The following MED17 variants were observed in gnomAD, a reference collection of about 807,000 sequenced individuals.
MED17 encodes the protein mediator of RNA polymerase II transcription subunit 17.
A neutral mutation model predicts 80.8 loss-of-function variants in MED17; 49 were observed. The observed-to-expected ratio is 0.61, with a 90% CI of 0.48 to 0.77. The LOEUF (loss-of-function observed/expected upper bound fraction) is 0.77, where lower values mean the gene tolerates loss of function less well. Ranked by LOEUF, MED17 falls within the 30% of genes least tolerant of loss-of-function variation. The pLI, the probability that MED17 is intolerant of heterozygous loss-of-function variation, is 0.00. For synonymous variants in MED17, 281 were observed against 280.4 expected, an observed-to-expected ratio of 1.00 and a Z score of -0.02; for missense variants, 718 against 787.0, an observed-to-expected ratio of 0.91 and a Z score of 1.05.
chr11:93,812,428 C>T lies in MED17; in HGVS notation c.*364C>T. The stretch of plus-strand genomic sequence containing the variant: ...AAATCTCCAAATACCTTTTTTTCCC[C>T]CCAAATACTTTCTAAACTTTTTTTT... On this transcript the variant is annotated 3_prime_UTR_variant, in exon 12 of 12. Coordinates refer to ENST00000251871, the MANE Select transcript of MED17 (RefSeq NM_004268.5). 2.1e-6 allele frequency: 1 copy of T among 470,752 alleles called. No homozygotes were observed. Among genetic ancestry groups the T allele is most frequent in the Non-Finnish European group, 3.7e-6 (1 of 271,884 alleles). 29.2% of individuals were successfully genotyped at this position (470,752 alleles called of 1,614,324 possible).
At chr11:93,793,674 G>A in intron 3 of MED17, 54 bp from the exon 4 acceptor site, 1 of 1,275,966 alleles carries the variant, frequency 7.8e-7, no homozygotes, top group South Asian at 1.2e-5. Context: ...AATAATGTGT[G>A]TCGGAATAAT....
chr11:93,799,404 G>A (rs1272239881), intron 8 of MED17, among the ~76,000 whole-genome samples: 3 of 152,166 alleles, frequency 2.0e-5, no homozygotes, highest in African/African-American at 7.2e-5. Context: ...CCGAACTCCT[G>A]ACCTCAAGTG....
At chr11:93,806,613 C>T in intron 9 of MED17, 1 of 152,168 alleles carries the variant, frequency 6.6e-6, no homozygotes, top group Non-Finnish European at 1.5e-5. Flanking sequence ...AAAGAGTTAA[C>T]AAAACCGCTT....
intron 9 of MED17, chr11:93,806,007 G>A (rs921605199): frequency 1.6e-5 from 2 of 127,866 alleles, no homozygotes; most frequent in Non-Finnish European, 3.3e-5. Context: ...TTTTGAGATG[G>A]AGTTTTGCTC....
chr11:93,788,277 G>A, intron 2 of MED17, 110 bp downstream of exon 2: 2 of 917,614 alleles, frequency 2.2e-6, no homozygotes, highest in East Asian at 5.3e-5. Flanking sequence ...ATTAAGTCCA[G>A]ATGAAGATTT....
At position 93,795,427 on chromosome 11, in the gene MED17, T is replaced by A; in HGVS notation, c.1012+367T>A. 4 of 282,576 alleles carry A rather than the reference T, an allele frequency of 1.4e-5. No individual in the cohort carries two copies. In the South Asian group the frequency reaches 1.5e-4, roughly 11 times the overall value. 17.5% of individuals were successfully genotyped at this position (282,576 alleles called of 1,614,324 possible). ...TAAATGAGAGGCCAATTTAAAAATG[T>A]TTACTCTTAACGCCTGTCATCCCAG... On this transcript the variant is annotated intron_variant, in intron 6 of 11. Coordinates refer to ENST00000251871, the MANE Select transcript of MED17 (RefSeq NM_004268.5).
intron 7 of MED17, chr11:93,797,117 G>T: frequency 4.7e-6 from 1 of 212,948 alleles, no homozygotes; most frequent in Non-Finnish European, 9.5e-6. Flanking sequence ...TATAGTGAAA[G>T]AACTATTTAC....
At chr11:93,796,205 C>G (rs1943899282) in intron 6 of MED17, 2 of 523,772 alleles carry the variant, frequency 3.8e-6, no homozygotes, top group Admixed American at 2.9e-5. Context: ...CCCACCTTGG[C>G]CTCCCAACAT....
chr11:93,802,660 T>C (rs909935231), intron 9 of MED17, among the ~76,000 whole-genome samples: 1 of 152,188 alleles, frequency 6.6e-6, no homozygotes, highest in East Asian at 1.9e-4. Context: ...TAGGGCCATT[T>C]GTATTCTAGC....
intron 3 of MED17, among the ~76,000 whole-genome samples, chr11:93,791,660 T>C (rs61904953): frequency 0.12 from 18,074 of 151,916 alleles, 1,101 homozygotes; most frequent in Middle Eastern, 0.17. Flanking sequence ...GAGCCGAGAT[T>C]GCACCACTGC....
chr11:93,784,739 A>G lies in MED17; in HGVS notation c.226A>G (p.Ser76Gly). The G allele has an allele frequency of 6.5e-7, 1 of 1,542,362 alleles. No homozygotes were observed. Among genetic ancestry groups the G allele is most frequent in the Non-Finnish European group, 8.7e-7 (1 of 1,148,226 alleles). The change falls in exon 1 of 12, where the codon AGC becomes GGC. Residue 76 changes from serine (S) to glycine (G), a missense_variant. Coordinates refer to ENST00000251871, the MANE Select transcript of MED17 (RefSeq NM_004268.5). ...GCAGGAGTGGCCGGGCGCCGGGTCC[A>G]GCGCAGACCAGGACGACGAGGAAGG... ...DAQEWPGAGS[S>G]ADQDDEEGVV...
At chr11:93,802,020 T>A (rs1943968652) in intron 9 of MED17, 48 bp downstream of exon 9, 1 of 1,540,486 alleles carries the variant, frequency 6.5e-7, no homozygotes, top group African/African-American at 1.4e-5. Flanking sequence ...TAATTTGCTA[T>A]TGATGTTTGC....
chr11:93,797,441 T>C (rs1199961203), intron 7 of MED17, 94 bp from the exon 8 acceptor site: 1 of 1,242,338 alleles, frequency 8.0e-7, no homozygotes, highest in South Asian at 1.2e-5. Context: ...TTCAAATCCA[T>C]TCCTTTCAGT....
At chr11:93,792,677 C>A (rs1055058474) in intron 3 of MED17, among the ~76,000 whole-genome samples, 20 of 152,124 alleles carry the variant, frequency 1.3e-4, no homozygotes, top group Admixed American at 1.3e-3. Context: ...CATGGGGGCT[C>A]ACACCTGTAA....
At chr11:93,793,397 A>C in intron 3 of MED17, 1 of 266,988 alleles carries the variant, frequency 3.7e-6, no homozygotes, top group South Asian at 3.9e-5. Context: ...GATTACAGGC[A>C]TGAGCCACCA....
chr11:93,801,934 A>G lies in MED17; in HGVS notation c.1428A>G (p.Lys476=). The G allele has an allele frequency of 6.2e-7, 1 of 1,612,858 alleles. No homozygotes were observed. The part of the protein sequence containing the change: ...NINDVYESSV[K]VLITSQGYEQ... ...ATGATGTTTATGAATCTAGTGTGAA[A>G]GTTTTAATCACATCACAAGGCTATG... is the stretch of plus-strand genomic sequence containing the variant. Residue 476 remains lysine (K), a synonymous_variant, in exon 9 of 12, where the codon AAA becomes AAG. Coordinates refer to ENST00000251871, the MANE Select transcript of MED17 (RefSeq NM_004268.5).
chr11:93,784,803 T>C, intron 1 of MED17, 40 bp downstream of exon 1: 1 of 1,532,682 alleles, frequency 6.5e-7, no homozygotes, highest in Non-Finnish European at 8.7e-7. Context: ...CCGGTCTGGG[T>C]CCCAGCACCC....
chr11:93,799,198 T>C (rs1367243765), intron 8 of MED17, among the ~76,000 whole-genome samples: 1 of 83,696 alleles, frequency 1.2e-5, no homozygotes, highest in Non-Finnish European at 2.8e-5. Context: ...TTTTTTTTTT[T>C]TGAGACGAAG....
rs968724282 is a variant in MED17 at position 93,787,444 on chromosome 11, G to A, written c.251-557G>A. 2.6e-5 allele frequency among the ~76,000 whole-genome samples: 4 copies of A among 152,056 alleles called. No individual in the cohort carries two copies. The East Asian group carries it at 5.8e-4, about 22-fold the overall frequency. On this transcript the variant is annotated intron_variant, in intron 1 of 11. Transcript: ENST00000251871. ...AAAAAAAAAAGAAAAGAAAGGCTAC[G>A]CTCCATCTGTTAATAGTGGTTACCT...
Sources: gnomAD v4.1 joint callset for allele counts (sites outside exome capture counted in the v4.1 genomes callset) on GRCh38, gnomAD v4.1.1 for gene constraint, MANE v1.5 for transcripts, NCBI Gene and HGNC (gene_info 2026-07-23, HGNC 2026-07-21) for gene names.